CELF2: variants seen among roughly 807,000 people sequenced by gnomAD.
CELF2 encodes the protein CUG triplet repeat RNA-binding protein 2.
CELF2 carries 8 observed loss-of-function variants against 62.6 expected under a neutral mutation model. The ratio of observed to expected loss-of-function variants is 0.13; its 90% CI spans 0.07 to 0.23. The LOEUF is 0.23. CELF2 is among the 10% of genes least tolerant of loss of function. The pLI, the probability that CELF2 is intolerant of heterozygous loss-of-function variation, is 1.00. For synonymous variants in CELF2, 258 were observed against 250.0 expected (o/e 1.03, Z -0.30); for missense variants, 333 against 671.0 (o/e 0.50, Z 5.56).
chr10:10,701,673 CAG>C, the CELF2 span, among the ~76,000 whole-genome samples: 2 of 152,254 alleles, frequency 1.3e-5, no homozygotes, highest in South Asian at 2.1e-4. Context: ...TGTGCAAAGA[CAG>C]AGAAAGGATG....
chr10:11,319,725 C>T lies in CELF2; in HGVS notation c.1097-1464C>T. The stretch of plus-strand genomic sequence containing the variant: ...TGCTTGGTGTCTGTTCTGAGAAGCA[C>T]AGGAATACCCGAGGTGAGGCACAAT... On this transcript the variant is annotated intron_variant, in intron 10 of 12. Transcript: ENST00000633077. This position sits in a 1 kb window ranked among gnomAD's most constrained non-coding sequence, Gnocchi z 4.4. The T allele has an allele frequency of 2.1e-6, 1 of 468,472 alleles. No homozygotes were observed. The highest frequency in any genetic ancestry group is 4.4e-6 in the Non-Finnish European group (1 of 225,546). The allele number at this position is 468,472 out of a possible 1,614,324, so 29.0% of individuals were successfully genotyped here. A position where few individuals can be genotyped will look rare whatever the true frequency, so the allele number is the denominator to read the frequency against.
At chr10:10,508,105 G>A in the CELF2 span, among the ~76,000 whole-genome samples, 6 of 151,868 alleles carry the variant, frequency 4.0e-5, no homozygotes, top group African/African-American at 9.7e-5. Context: ...TACTATCTTC[G>A]TCTTGGACTG....
At chr10:10,529,896 T>G in the CELF2 span, among the ~76,000 whole-genome samples, 1 of 152,156 alleles carries the variant, frequency 6.6e-6, no homozygotes, top group Non-Finnish European at 1.5e-5. Flanking sequence ...CTTTAGGCTG[T>G]GGCTTAGCAA....
intron 2 of CELF2, chr10:10,923,837 T>C (rs1003248771): frequency 4.6e-5 from 7 of 152,254 alleles, no homozygotes; most frequent in African/African-American, 1.7e-4. Flanking sequence ...TTTTTTGAAC[T>C]ATGAAAACAA....
chr10:10,621,489 G>T, the CELF2 span, among the ~76,000 whole-genome samples: 1 of 152,170 alleles, frequency 6.6e-6, no homozygotes, highest in African/African-American at 2.4e-5. Context: ...AGACAATCAT[G>T]AGAGCCTCAG....
chr10:10,747,470 CT>C, the CELF2 span, among the ~76,000 whole-genome samples: 2 of 152,124 alleles, frequency 1.3e-5, no homozygotes, highest in African/African-American at 2.4e-5. Context: ...TAGATGGTGT[CT>C]GGAGGCTGAC....
intron 1 of CELF2, among the ~76,000 whole-genome samples, chr10:10,851,567 C>T (rs1429504511): frequency 6.6e-6 from 1 of 152,066 alleles, no homozygotes; most frequent in African/African-American, 2.4e-5. Flanking sequence ...TACTGTGATC[C>T]AAAAGTTGAT....
the CELF2 span, among the ~76,000 whole-genome samples, chr10:10,557,659 C>A: frequency 2.0e-5 from 3 of 152,040 alleles, no homozygotes; most frequent in Non-Finnish European, 4.4e-5. Flanking sequence ...ATTCTTCCTG[C>A]CCATGAGCAT....
At chr10:10,958,226 C>T (rs1263391421) in intron 2 of CELF2, among the ~76,000 whole-genome samples, 1 of 152,192 alleles carries the variant, frequency 6.6e-6, no homozygotes, top group East Asian at 1.9e-4. Context: ...CTGTGCTTGG[C>T]TTTTTCCCAG....
rs182901128 is a variant in CELF2 at position 11,039,586 on chromosome 10, C to G, written c.74+21423C>G. Reference sequence around the variant, plus strand: ...CACATCTTATTTTGTAAGCTTTACACGCTTCTAATGCATGTTACTGAAAAC... The same window carrying G: ...CACATCTTATTTTGTAAGCTTTACAGGCTTCTAATGCATGTTACTGAAAAC... On this transcript the variant is annotated intron_variant, in intron 1 of 12. Coordinates refer to ENST00000633077, the MANE Select transcript of CELF2 (RefSeq NM_001326342.2). This position sits in a 1 kb window ranked among gnomAD's most constrained non-coding sequence, Gnocchi z 4.1. 6.6e-6 allele frequency among the ~76,000 whole-genome samples: 1 copy of G among 152,114 alleles called. No homozygotes were observed. Among genetic ancestry groups the G allele is most frequent in the African/African-American group, 2.4e-5 (1 of 41,414 alleles).
At chr10:11,252,330 G>A (rs954013960) in intron 4 of CELF2, among the ~76,000 whole-genome samples, 1 of 152,196 alleles carries the variant, frequency 6.6e-6, no homozygotes, top group Non-Finnish European at 1.5e-5. Flanking sequence ...AGTATAACGA[G>A]CTCTAATTGC....
the CELF2 span, among the ~76,000 whole-genome samples, chr10:10,748,229 T>G: frequency 6.6e-6 from 1 of 152,068 alleles, no homozygotes; most frequent in East Asian, 1.9e-4. Flanking sequence ...AAAAGAGGAC[T>G]TGAAATGTTC....
At chr10:10,726,229 G>A in the CELF2 span, among the ~76,000 whole-genome samples, 2 of 152,146 alleles carry the variant, frequency 1.3e-5, no homozygotes, top group African/African-American at 2.4e-5. Context: ...CCATGCCTAG[G>A]GGTGAAGTAG....
chr10:11,294,908 T>TCAA (rs755008920), intron 9 of CELF2, among the ~76,000 whole-genome samples: 8 of 152,266 alleles, frequency 5.3e-5, no homozygotes, highest in South Asian at 2.1e-4. Flanking sequence ...AGGCTCTTTC[T>TCAA]CAACAACAAC....
intron 1 of CELF2, among the ~76,000 whole-genome samples, chr10:11,020,529 A>T (rs1423178226): frequency 6.6e-6 from 1 of 152,156 alleles, no homozygotes; most frequent in Non-Finnish European, 1.5e-5. Flanking sequence ...ATGCGGATTT[A>T]TTGTTTTAGG....
chr10:11,234,976 A>G (rs144480846), intron 3 of CELF2, among the ~76,000 whole-genome samples: 1 of 152,228 alleles, frequency 6.6e-6, no homozygotes. Flanking sequence ...ACAATGATGC[A>G]GTGAGTTTTC....
At position 10,957,209 on chromosome 10, in the gene CELF2, C is replaced by A. The variant is rs1460920946; in HGVS notation, c.89+37210C>A. Among the ~76,000 whole-genome samples, 1 of 152,194 alleles carries A rather than the reference C, an allele frequency of 6.6e-6. No individual in the cohort carries two copies. Among genetic ancestry groups the A allele is most frequent in the East Asian group, 1.9e-4 (1 of 5,190 alleles). The stretch of plus-strand genomic sequence containing the variant: ...AAGTCTTAGTCTCTTTACCATTTAA[C>A]CAGTTTCCCACTAATTCACTCAAAC... On this transcript the variant is annotated intron_variant, in intron 2 of 13. Transcript: ENST00000636488. This position sits in a 1 kb window ranked among gnomAD's most constrained non-coding sequence, Gnocchi z 4.1.
intron 2 of CELF2, among the ~76,000 whole-genome samples, chr10:10,975,264 T>C (rs946535766): frequency 6.6e-6 from 1 of 152,140 alleles, no homozygotes; most frequent in African/African-American, 2.4e-5. Context: ...ACCACAGACA[T>C]GAGCCACTAC....
chr10:10,727,637 G>C, the CELF2 span, among the ~76,000 whole-genome samples: 1 of 152,012 alleles, frequency 6.6e-6, no homozygotes, highest in Non-Finnish European at 1.5e-5. Flanking sequence ...TTAGCCGGGC[G>C]TGCTGGCGGG....
Sources: gnomAD v4.1 joint callset for allele counts (sites outside exome capture counted in the v4.1 genomes callset) on GRCh38, gnomAD v4.1.1 for gene constraint, Gnocchi (gnomAD v3.1) non-coding constraint, MANE v1.5 for transcripts, NCBI Gene and HGNC (gene_info 2026-07-23, HGNC 2026-07-21) for gene names.